PID1: variants seen among roughly 807,000 people sequenced by gnomAD.
PID1 encodes the protein PTB-containing, cubilin and LRP1-interacting protein.
PID1 carries 10 observed loss-of-function variants against 19.1 expected under a neutral mutation model. That is an observed-to-expected ratio of 0.52 (90% CI 0.32 to 0.89). PID1 has a LOEUF of 0.89. Ranked by LOEUF, PID1 falls within the 40% of genes least tolerant of loss-of-function variation. The pLI is 0.03. For missense variants in PID1, 248 were observed against 285.3 expected (o/e 0.87, Z 0.94); for synonymous variants, 130 against 116.0 (o/e 1.12, Z -0.78).
At chr2:229,057,342 T>A (rs1694123627) in intron 2 of PID1, among the ~76,000 whole-genome samples, 1 of 151,002 alleles carries the variant, frequency 6.6e-6, no homozygotes, top group African/African-American at 2.4e-5. Flanking sequence ...GAGGCTGAGG[T>A]GGGAGAGTTG....
chr2:229,087,465 AAT>A (rs1694791771), intron 2 of PID1, among the ~76,000 whole-genome samples: 2 of 152,184 alleles, frequency 1.3e-5, no homozygotes, highest in Admixed American at 1.3e-4. Context: ...GAGGGGATCA[AAT>A]GTCTCCTGCA....
intron 1 of PID1, among the ~76,000 whole-genome samples, chr2:229,173,450 G>A (rs1690750851): frequency 6.6e-6 from 1 of 152,058 alleles, no homozygotes; most frequent in South Asian, 2.1e-4. Flanking sequence ...GATCTATTTT[G>A]AATTGAAACA....
intron 1 of PID1, among the ~76,000 whole-genome samples, chr2:229,216,679 C>A (rs1310371159): frequency 6.6e-6 from 1 of 152,052 alleles, no homozygotes; most frequent in Non-Finnish European, 1.5e-5. Context: ...CTTAAATATG[C>A]TTCTCATATG....
At chr2:229,203,760 C>A (rs1331317118) in intron 1 of PID1, among the ~76,000 whole-genome samples, 3 of 152,070 alleles carry the variant, frequency 2.0e-5, no homozygotes, top group Admixed American at 2.0e-4. Context: ...ACATACCCAG[C>A]TCCTTAAGCA....
At chr2:229,077,509 T>C (rs1694582536) in intron 2 of PID1, among the ~76,000 whole-genome samples, 1 of 152,238 alleles carries the variant, frequency 6.6e-6, no homozygotes, top group South Asian at 2.1e-4. Context: ...AGGGTTTTTA[T>C]GGTTTTAGGT....
chr2:229,093,046 A>C (rs1323732938), intron 2 of PID1, among the ~76,000 whole-genome samples: 1 of 151,374 alleles, frequency 6.6e-6, no homozygotes, highest in Admixed American at 6.8e-5. Flanking sequence ...TCTCCTTCAC[A>C]GTTTGTGATG....
chr2:229,149,240 A>G (rs1690198402), intron 2 of PID1, among the ~76,000 whole-genome samples: 1 of 152,118 alleles, frequency 6.6e-6, no homozygotes, highest in Non-Finnish European at 1.5e-5. Context: ...TAAAACTAAT[A>G]TTTTCATTTG....
chr2:229,119,224 G>T (rs1225590402), intron 2 of PID1, among the ~76,000 whole-genome samples: 1 of 152,130 alleles, frequency 6.6e-6, no homozygotes, highest in East Asian at 1.9e-4. Context: ...ACTTTCACAT[G>T]TATTATCTCA....
chr2:229,090,004 C>G (rs941245278), intron 2 of PID1, among the ~76,000 whole-genome samples: 3 of 152,058 alleles, frequency 2.0e-5, no homozygotes, highest in African/African-American at 7.2e-5. Context: ...TTACGTACCC[C>G]AAATAAGAAA....
chr2:229,054,731 G>T (rs1694064559), intron 2 of PID1, among the ~76,000 whole-genome samples: 3 of 112,288 alleles, frequency 2.7e-5, no homozygotes, highest in African/African-American at 6.8e-5. Flanking sequence ...GGGGGGGGGG[G>T]GGGTCTGGTT....
chr2:229,076,039 G>GTGTTCCATAGACTAC (rs1290747384), intron 2 of PID1, among the ~76,000 whole-genome samples: 1 of 152,140 alleles, frequency 6.6e-6, no homozygotes, highest in Admixed American at 6.5e-5. Context: ...TGATCAAAAG[G>GTGTTCCATAGACTAC]TGTTCCATAG....
At chr2:229,122,954 G>A (rs778187447) in intron 2 of PID1, among the ~76,000 whole-genome samples, 27 of 151,942 alleles carry the variant, frequency 1.8e-4, no homozygotes, top group Non-Finnish European at 3.8e-4. Context: ...ATTATGTTTC[G>A]GTACTGGAGC....
chr2:229,240,667 G>C (rs1489868473), intron 1 of PID1, among the ~76,000 whole-genome samples: 4 of 152,004 alleles, frequency 2.6e-5, no homozygotes, highest in Admixed American at 2.6e-4. Flanking sequence ...TTTTGACTAT[G>C]ATTTGCCTAA....
chr2:229,222,762 A>T (rs925563899), intron 1 of PID1, among the ~76,000 whole-genome samples: 1 of 152,036 alleles, frequency 6.6e-6, no homozygotes, highest in Non-Finnish European at 1.5e-5. Flanking sequence ...TAAAACTAGG[A>T]CTTCTAAGGA....
At chr2:229,142,867 A>T (rs1690044598) in intron 2 of PID1, among the ~76,000 whole-genome samples, 2 of 151,754 alleles carry the variant, frequency 1.3e-5, no homozygotes. Context: ...AAGGACTATA[A>T]ATCATGCTGC....
intron 2 of PID1, among the ~76,000 whole-genome samples, chr2:229,117,159 A>T (rs149287890): frequency 1.3e-3 from 201 of 152,278 alleles, no homozygotes; most frequent in Admixed American, 2.6e-3. Flanking sequence ...TATTTTGATG[A>T]CTCACATACC....
chr2:229,262,867 T>C, intron 1 of PID1: 1 of 1,539,146 alleles, frequency 6.5e-7, no homozygotes, highest in Non-Finnish European at 8.8e-7. Context: ...GCCTTCTCTG[T>C]GCCGCTTCTG....
intron 2 of PID1, among the ~76,000 whole-genome samples, chr2:229,060,705 TA>T (rs1400368595): frequency 1.3e-5 from 2 of 152,126 alleles, no homozygotes; most frequent in African/African-American, 2.4e-5. Context: ...CAGTTTTCCA[TA>T]ATAGCTGTAT....
intron 1 of PID1, among the ~76,000 whole-genome samples, chr2:229,158,528 A>G (rs6436857): frequency 0.29 from 43,906 of 152,116 alleles, 6,828 homozygotes; most frequent in Non-Finnish European, 0.36. Context: ...AACAGTTCCT[A>G]GCACATTTCA....
Sources: gnomAD v4.1 joint callset for allele counts (sites outside exome capture counted in the v4.1 genomes callset) on GRCh38, gnomAD v4.1.1 for gene constraint, MANE v1.5 for transcripts, NCBI Gene and HGNC (gene_info 2026-07-23, HGNC 2026-07-21) for gene names.